PDGFRA: variants seen among roughly 807,000 people sequenced by gnomAD.
PDGFRA encodes the protein platelet derived growth factor receptor alpha, also known as platelet-derived growth factor receptor alpha.
PDGFRA carries 25 observed loss-of-function variants against 121.5 expected under a neutral mutation model. The ratio of observed to expected loss-of-function variants is 0.21; its 90% confidence interval spans 0.15 to 0.29. The LOEUF is 0.29. PDGFRA is among the 10% of genes least tolerant of loss of function. PDGFRA has a pLI of 1.00. For missense variants in PDGFRA, 1,008 were observed against 1,345.1 expected, an observed-to-expected ratio of 0.75 and a Z score of 3.92; for synonymous variants, 463 against 494.8, an observed-to-expected ratio of 0.94 and a Z score of 0.85.
chr4:54,263,534 A>G (rs953418174), intron 3 of PDGFRA, 133 bp from the exon 4 acceptor site: 16 of 870,878 alleles, frequency 1.8e-5, no homozygotes, highest in Admixed American at 1.1e-4. Context: ...CAGTGGGGCA[A>G]TTCTTCTGGA....
intron 4 of PDGFRA, 68 bp downstream of exon 4, chr4:54,263,995 T>C (rs779104255): frequency 2.8e-5 from 7 of 246,604 alleles, no homozygotes; most frequent in Admixed American, 1.3e-4. Context: ...GCGTGTAGGA[T>C]TTTTTTTTTT....
chr4:54,284,879 C>CTTTTTTTT lies in PDGFRA; in HGVS notation c.2324-477_2324-470dup, dbSNP rs5858264. Among the ~76,000 whole-genome samples the CTTTTTTTT allele has an allele frequency of 1.9e-3, 191 of 101,244 alleles. 10 individuals carry two copies. The highest frequency in any genetic ancestry group is 3.0e-3 in the African/African-American group (76 of 25,752). The allele number at this position is 101,244 out of a possible 152,430, so 66.4% of individuals were successfully genotyped here. A position where few individuals can be genotyped will look rare whatever the true frequency, so the allele number is the denominator to read the frequency against. Reference sequence around the variant, plus strand: ...CTTTCCTTTCTTTCATTCTTTCTATCTTTTTTTTTTTTTTTTTTTTTTGAG... The same window carrying CTTTTTTTT: ...CTTTCCTTTCTTTCATTCTTTCTATCTTTTTTTTTTTTTTTTTTTTTTTTTTTTTTGAG... On this transcript the variant is annotated intron_variant, in intron 16 of 22. Transcript: ENST00000257290.
chr4:54,240,544 T>G (rs1482724195), intron 1 of PDGFRA, among the ~76,000 whole-genome samples: 1 of 152,254 alleles, frequency 6.6e-6, no homozygotes, highest in Non-Finnish European at 1.5e-5. Flanking sequence ...TTTTCTTGTT[T>G]TCTACTCTAA....
rs543593930 is a variant in PDGFRA, at chr4:54,231,945, A to G, written c.-13+2530A>G. On this transcript the variant is annotated intron_variant, in intron 1 of 22. Coordinates refer to ENST00000257290, the MANE Select transcript of PDGFRA (RefSeq NM_006206.6). ...ATTGGGCCGGGCTTTCCAGCTGCAA[A>G]CACGTCTGGCGCCGAGGCGGGCCCA... Among the ~76,000 whole-genome samples the G allele has an allele frequency of 5.9e-5, 9 of 152,266 alleles. No individual in the cohort carries two copies. The South Asian group carries it at 1.9e-3, about 32-fold the overall frequency.
chr4:54,239,469 T>A (rs1721180693), intron 1 of PDGFRA, among the ~76,000 whole-genome samples: 1 of 152,224 alleles, frequency 6.6e-6, no homozygotes, highest in Admixed American at 6.5e-5. Flanking sequence ...TGAACCCCAA[T>A]TTTGAGTTCC....
At chr4:54,270,898 C>G in intron 8 of PDGFRA, 150 bp downstream of exon 8, 1 of 678,136 alleles carries the variant, frequency 1.5e-6, no homozygotes, top group Admixed American at 2.1e-5. Flanking sequence ...AATACCTCTG[C>G]TGGACTCATG....
chr4:54,285,499 A>T lies in PDGFRA; in HGVS notation c.2439+13A>T, dbSNP rs764330599. The T allele has an allele frequency of 8.9e-7, 1 of 1,123,216 alleles. No individual in the cohort carries two copies. Among genetic ancestry groups the T allele is most frequent in the Non-Finnish European group, 1.4e-6 (1 of 731,446 alleles). The allele number at this position is 1,123,216 out of a possible 1,614,324, so 69.6% of individuals were successfully genotyped here. On this transcript the variant is annotated intron_variant, in intron 17 of 22. Coordinates refer to ENST00000257290, the MANE Select transcript of PDGFRA (RefSeq NM_006206.6). ...GGCTTCAAAAAATGTAAGTTCAAGG[A>T]ACACAGACCTTTTTAGACCCAGATT... is the stretch of plus-strand genomic sequence containing the variant.
chr4:54,280,166 C>A, intron 15 of PDGFRA, 150 bp from the exon 16 acceptor site: 1 of 641,570 alleles, frequency 1.6e-6, no homozygotes, highest in Non-Finnish European at 2.8e-6. Context: ...GACTAGATCA[C>A]CTCATGTGAA....
chr4:54,272,587 C>T, intron 9 of PDGFRA, 67 bp downstream of exon 9: 1 of 1,546,186 alleles, frequency 6.5e-7, no homozygotes, highest in Non-Finnish European at 8.9e-7. Flanking sequence ...CAAATGATGT[C>T]AAATACATTT....
rs1421585385 is a variant in PDGFRA, at chr4:54,261,483, T to C, written c.367+71T>C. On this transcript the variant is annotated intron_variant, in intron 3 of 22. Coordinates refer to ENST00000257290, the MANE Select transcript of PDGFRA (RefSeq NM_006206.6). ...TCTCCTGTTAAATGTACTAAGGTTT[T>C]AAACATATATATAAATAATTAATAT... is the stretch of plus-strand genomic sequence containing the variant. The C allele has an allele frequency of 3.3e-6, 3 of 916,440 alleles. No homozygotes were observed. The African/African-American group carries it at 5.0e-5, about 15-fold the overall frequency. 56.8% of individuals were successfully genotyped at this position (916,440 alleles called of 1,614,324 possible).
In PDGFRA at chr4:54,272,474, A is replaced by G. The variant is rs1038766927; in HGVS notation, c.1318A>G (p.Thr440Ala). 6.2e-7 allele frequency: 1 copy of G among 1,614,002 alleles called. No individual in the cohort carries two copies. Among genetic ancestry groups the G allele is most frequent in the Non-Finnish European group, 8.5e-7 (1 of 1,180,002 alleles). Residue 440 changes from threonine to alanine, a missense_variant, in exon 9 of 23, where the codon ACG (threonine) becomes GCG (alanine). Coordinates refer to ENST00000257290, the MANE Select transcript of PDGFRA (RefSeq NM_006206.6). ...GQTVRCTAEG[T>A]PLPDIEWMIC... ...GACGGTGAGGTGCACAGCTGAAGGC[A>G]CGCCGCTTCCTGATATTGAGTGGAT...
At chr4:54,247,471 CAT>C (rs1385157408) in intron 1 of PDGFRA, among the ~76,000 whole-genome samples, 13 of 152,262 alleles carry the variant, frequency 8.5e-5, no homozygotes, top group Non-Finnish European at 2.9e-5. Context: ...ACAAAAACCA[CAT>C]GATTATCTCA....
At chr4:54,285,226 G>A in intron 16 of PDGFRA, 145 bp from the exon 17 acceptor site, 1 of 660,630 alleles carries the variant, frequency 1.5e-6, no homozygotes, top group Non-Finnish European at 2.7e-6. Context: ...TAGAATCTTT[G>A]CATAGTGATA....
intron 3 of PDGFRA, among the ~76,000 whole-genome samples, chr4:54,262,662 C>T (rs1397048322): frequency 6.6e-6 from 1 of 151,932 alleles, no homozygotes; most frequent in Non-Finnish European, 1.5e-5. Context: ...TCATATGAAC[C>T]TTCCTTCTTA....
chr4:54,241,477 A>G (rs1296828588), intron 1 of PDGFRA, among the ~76,000 whole-genome samples: 1 of 152,058 alleles, frequency 6.6e-6, no homozygotes, highest in Non-Finnish European at 1.5e-5. Flanking sequence ...AAGAGAATTT[A>G]TTAAAATTTA....
At chr4:54,246,660 G>C (rs1448424338) in intron 1 of PDGFRA, among the ~76,000 whole-genome samples, 1 of 151,818 alleles carries the variant, frequency 6.6e-6, no homozygotes, top group African/African-American at 2.4e-5. Context: ...AAAAGAACTA[G>C]AAAAGCAAGA....
intron 1 of PDGFRA, among the ~76,000 whole-genome samples, chr4:54,254,259 T>G (rs1034682232): frequency 5.3e-5 from 8 of 152,172 alleles, no homozygotes; most frequent in African/African-American, 1.7e-4. Context: ...CTGTCTGAGT[T>G]ATAGATAAGT....
At chr4:54,233,389 C>G (rs1720812339) in intron 1 of PDGFRA, among the ~76,000 whole-genome samples, 2 of 152,228 alleles carry the variant, frequency 1.3e-5, no homozygotes, top group South Asian at 4.1e-4. Flanking sequence ...GCACTCCCGG[C>G]TGCGCTGTCG....
At chr4:54,264,711 T>G (rs1026201448) in intron 4 of PDGFRA, 13 of 503,924 alleles carry the variant, frequency 2.6e-5, no homozygotes, top group African/African-American at 2.1e-4. Flanking sequence ...TGTTATTATT[T>G]TGTAATTCTG....
Sources: gnomAD v4.1 joint callset for allele counts (sites outside exome capture counted in the v4.1 genomes callset) on GRCh38, gnomAD v4.1.1 for gene constraint, MANE v1.5 for transcripts, NCBI Gene and HGNC (gene_info 2026-07-23, HGNC 2026-07-21) for gene names.